RDX: variants seen among roughly 807,000 people sequenced by gnomAD.
The protein encoded by RDX is deafness, autosomal recessive 24.
Under a neutral mutation model 83.7 loss-of-function variants are expected in RDX, and 32 were observed. The observed-to-expected ratio is 0.38, with a 90% CI of 0.29 to 0.51. The LOEUF is 0.51. Among genes scored for constraint, RDX ranks in the 20% least tolerant of loss-of-function variants. The pLI is 0.87. For synonymous variants in RDX, 229 were observed against 222.7 expected, an observed-to-expected ratio of 1.03 and a Z score of -0.25; for missense variants, 600 against 689.9, an observed-to-expected ratio of 0.87 and a Z score of 1.46.
intron 1 of RDX, among the ~76,000 whole-genome samples, chr11:110,289,232 C>G (rs999115254): frequency 8.2e-6 from 1 of 122,108 alleles, no homozygotes; most frequent in African/African-American, 3.3e-5. Context: ...GAGCAAAACT[C>G]TATCTCAAAA....
At chr11:110,240,228 C>T (rs1865028805) in intron 10 of RDX, among the ~76,000 whole-genome samples, 1 of 152,148 alleles carries the variant, frequency 6.6e-6, no homozygotes. Flanking sequence ...GAAATCCTGT[C>T]ATTTGCAGCA....
Position 110,253,238 on chromosome 11 carries a change from A to G in RDX, c.959+708T>C, listed in dbSNP as rs567660676. Among the ~76,000 whole-genome samples the G allele has an allele frequency of 2.6e-5, 4 of 152,270 alleles. No homozygotes were observed. The South Asian group carries it at 8.3e-4, about 32-fold the overall frequency. ...GTTTAGGGCTCTTCAAATTTTTTTTAAGGACTTACTCTATTTCTTAGACTA... is the reference window on the plus strand; with the variant it reads ...GTTTAGGGCTCTTCAAATTTTTTTTGAGGACTTACTCTATTTCTTAGACTA... On this transcript the variant is annotated intron_variant, in intron 9 of 13. Transcript: ENST00000645495.
chr11:110,206,064 T>C (rs915563524), intron 14 of RDX, among the ~76,000 whole-genome samples: 2 of 152,080 alleles, frequency 1.3e-5, no homozygotes, highest in Non-Finnish European at 2.9e-5. Context: ...AAAACCAGCC[T>C]GGCCAAAATG....
At chr11:110,196,661 C>T (rs993465428) in intron 15 of RDX, among the ~76,000 whole-genome samples, 1 of 152,132 alleles carries the variant, frequency 6.6e-6, no homozygotes, top group Admixed American at 6.5e-5. Context: ...CACCTCAGGC[C>T]CCTTCCCAAC....
intron 2 of RDX, among the ~76,000 whole-genome samples, chr11:110,273,808 A>G (rs1360527752): frequency 1.3e-5 from 2 of 152,132 alleles, no homozygotes; most frequent in Admixed American, 6.5e-5. Flanking sequence ...TTTTCTAACA[A>G]TCTTTACTTT....
rs531161482 is a variant in RDX at position 110,199,915 on chromosome 11, C to G, written c.1749-237G>C. Among the ~76,000 whole-genome samples, 15 of 152,188 alleles carry G rather than the reference C, an allele frequency of 9.9e-5. No individual in the cohort carries two copies. In the East Asian group the frequency reaches 2.9e-3, roughly 29 times the overall value. ...TGTGGAAATAAGAATAACTTTAAAC[C>G]TTCCTTTTAAATAGATGCTAGACTT... On this transcript the variant is annotated intron_variant, in intron 14 of 15. Transcript: ENST00000528498.
At chr11:110,261,208 T>C (rs1001162468) in intron 5 of RDX, among the ~76,000 whole-genome samples, 2 of 152,330 alleles carry the variant, frequency 1.3e-5, no homozygotes, top group Non-Finnish European at 2.9e-5. Context: ...TCAAACTCAA[T>C]AGGTTCAAAA....
At chr11:110,197,095 T>G (rs1863232711) in intron 15 of RDX, among the ~76,000 whole-genome samples, 1 of 152,180 alleles carries the variant, frequency 6.6e-6, no homozygotes, top group Non-Finnish European at 1.5e-5. Context: ...AGCCAGGGTT[T>G]TGCCATGTTG....
chr11:110,236,054 T>A, intron 12 of RDX, 45 bp downstream of exon 12: 1 of 1,318,360 alleles, frequency 7.6e-7, no homozygotes, highest in East Asian at 2.3e-5. Context: ...TAATCCTGGG[T>A]ATAAAAGCTA....
At chr11:110,175,603 C>T (rs895608165) in intron 15 of RDX, among the ~76,000 whole-genome samples, 1 of 152,210 alleles carries the variant, frequency 6.6e-6, no homozygotes, top group African/African-American at 2.4e-5. Flanking sequence ...GAGGGTCCCC[C>T]TTCAGCCCCT....
chr11:110,275,447 C>T (rs1244089251), intron 2 of RDX, among the ~76,000 whole-genome samples: 1 of 152,132 alleles, frequency 6.6e-6, no homozygotes, highest in East Asian at 1.9e-4. Context: ...TGGGATAATA[C>T]ATGGGTGCTG....
At chr11:110,179,957 AG>A (rs756580652) in intron 15 of RDX, 99 of 357,464 alleles carry the variant, frequency 2.8e-4, no homozygotes, top group Non-Finnish European at 4.7e-4. Flanking sequence ...GCTGGAGTGT[AG>A]TGGTGCAATC....
At chr11:110,272,859 A>G in intron 2 of RDX, 2 of 530,580 alleles carry the variant, frequency 3.8e-6, no homozygotes, top group Non-Finnish European at 3.5e-6. Flanking sequence ...CTATAATACT[A>G]GGAGATACTA....
chr11:110,277,730 A>G (rs1860578218), intron 2 of RDX, among the ~76,000 whole-genome samples: 1 of 151,854 alleles, frequency 6.6e-6, no homozygotes, highest in African/African-American at 2.4e-5. Context: ...AGAACTTTAT[A>G]TGGCAATTAT....
chr11:110,196,367 G>A (rs538488884), intron 15 of RDX, among the ~76,000 whole-genome samples: 12 of 152,220 alleles, frequency 7.9e-5, no homozygotes, highest in Non-Finnish European at 1.8e-4. Flanking sequence ...ATGTAATGAT[G>A]TACAGATTGT....
intron 14 of RDX, among the ~76,000 whole-genome samples, chr11:110,214,507 C>T (rs1487093044): frequency 3.4e-4 from 42 of 125,182 alleles, no homozygotes; most frequent in South Asian, 1.9e-3. Context: ...ACCCAAAGGA[C>T]TATAAATCAT....
At chr11:110,258,213 AAAT>A in intron 5 of RDX, 24 bp from the exon 6 acceptor site, 1 of 1,467,844 alleles carries the variant, frequency 6.8e-7, no homozygotes, top group Non-Finnish European at 9.4e-7. Flanking sequence ...AAAAAAAAAA[AAAT>A]TATAATGACT....
chr11:110,261,942 C>T (rs536717204), intron 5 of RDX, among the ~76,000 whole-genome samples: 2 of 152,218 alleles, frequency 1.3e-5, no homozygotes, highest in South Asian at 4.2e-4. Context: ...TCATCTGCTG[C>T]TCAACCAAAC....
At chr11:110,219,348 T>C (rs1184573480) in intron 14 of RDX, among the ~76,000 whole-genome samples, 1 of 152,128 alleles carries the variant, frequency 6.6e-6, no homozygotes, top group South Asian at 2.1e-4. Context: ...CAGAATAGAT[T>C]AGGCTGCAAA....
Sources: allele counts gnomAD v4.1 joint callset (sites outside exome capture counted in the v4.1 genomes callset), GRCh38; gene constraint gnomAD v4.1.1; transcripts MANE v1.5; gene names NCBI Gene and HGNC (gene_info 2026-07-23, HGNC 2026-07-21).